LRP1B: variants seen among roughly 807,000 people sequenced by gnomAD.
The protein encoded by LRP1B is LDL receptor related protein 1B.
In LRP1B, 217 loss-of-function variants were observed where a neutral mutation model predicts 556.6. The observed-to-expected ratio is 0.39, with a 90% confidence interval of 0.35 to 0.44. LRP1B has a LOEUF of 0.44. LRP1B is among the 20% of genes least tolerant of loss of function. The pLI, the probability that LRP1B is intolerant of heterozygous loss-of-function variation, is 1.00. For synonymous variants in LRP1B, 2,047 were observed against 1,865.8 expected (o/e 1.10, Z -2.50); for missense variants, 5,053 against 5,620.8 (o/e 0.90, Z 3.23).
rs148293366 is a variant in LRP1B, at chr2:141,091,995, A to G, written c.1014-29722T>C. ...TTATTAACTTTTCATAAATGTATGT[A>G]TAGCTCACATTTATTTCAATGTTTA... On this transcript the variant is annotated intron_variant, in intron 7 of 90. Coordinates refer to ENST00000389484, the MANE Select transcript of LRP1B (RefSeq NM_018557.3). 1.6e-3 allele frequency among the ~76,000 whole-genome samples: 247 copies of G among 152,356 alleles called. 1 individual carries two copies. The highest frequency in any genetic ancestry group is 5.7e-3 in the African/African-American group (235 of 41,576).
intron 7 of LRP1B, among the ~76,000 whole-genome samples, chr2:141,143,142 G>C (rs1312457018): frequency 6.6e-6 from 1 of 151,932 alleles, no homozygotes; most frequent in Non-Finnish European, 1.5e-5. Flanking sequence ...CGTTAGCCAG[G>C]ATGGTCTCAA....
chr2:140,618,156 A>G (rs566465207), intron 41 of LRP1B, among the ~76,000 whole-genome samples: 1 of 152,138 alleles, frequency 6.6e-6, no homozygotes, highest in South Asian at 2.1e-4. Flanking sequence ...TTGCATGCAT[A>G]TATTCCTAGA....
intron 5 of LRP1B, among the ~76,000 whole-genome samples, chr2:141,241,295 G>A (rs1396286768): frequency 1.3e-5 from 2 of 152,054 alleles, no homozygotes; most frequent in Non-Finnish European, 2.9e-5. Flanking sequence ...CCAAAGGCAG[G>A]CTGGGAAGCT....
At chr2:141,544,414 T>TTCCTCCTCCTTCTCCTCCTCCTC in intron 2 of LRP1B, among the ~76,000 whole-genome samples, 1 of 90,644 alleles carries the variant, frequency 1.1e-5, no homozygotes. Flanking sequence ...TCCTCCTCCT[T>TTCCTCCTCCTTCTCCTCCTCCTC]CTCCTCCTTC....
intron 3 of LRP1B, among the ~76,000 whole-genome samples, chr2:141,439,749 C>G (rs1680889652): frequency 6.6e-6 from 1 of 152,158 alleles, no homozygotes; most frequent in African/African-American, 2.4e-5. Context: ...AACACACACA[C>G]TCACACACAA....
intron 2 of LRP1B, among the ~76,000 whole-genome samples, chr2:141,649,773 C>T (rs190456963): frequency 6.6e-6 from 1 of 152,308 alleles, no homozygotes; most frequent in Admixed American, 6.5e-5. Context: ...GCCTGACAAA[C>T]TCTTTGCCAG....
At chr2:140,826,641 C>G (rs1334937304) in intron 31 of LRP1B, among the ~76,000 whole-genome samples, 1 of 152,114 alleles carries the variant, frequency 6.6e-6, no homozygotes, top group East Asian at 1.9e-4. Context: ...TGCCAGGCAC[C>G]ATGCATGAAT....
intron 7 of LRP1B, among the ~76,000 whole-genome samples, chr2:141,072,425 T>TG (rs781721836): frequency 1.3e-5 from 2 of 152,078 alleles, no homozygotes; most frequent in Non-Finnish European, 2.9e-5. Flanking sequence ...AAAACTTTAT[T>TG]CTTTGTTTCC....
Position 140,541,846 on chromosome 2 carries a change from T to A in LRP1B, c.7320A>T (p.Lys2440Asn). ...RSNKYTGGDTKILRSDIPHQP... is the reference protein window; with the variant it reads ...RSNKYTGGDTNILRSDIPHQP... ...GATGTGGAATATCGGAACGAAGAATTTTTGTATCTCCTCCTGTGTACTTGT... is the reference window on the plus strand; with the variant it reads ...GATGTGGAATATCGGAACGAAGAATATTTGTATCTCCTCCTGTGTACTTGT... Residue 2440 changes from lysine (K) to asparagine (N), a missense_variant, in exon 44 of 91, where the codon AAA becomes AAT. Around this residue, in one of 5 missense-constraint regions of LRP1B, gnomAD observed 3,619 missense variants for 3,931.9 expected, o/e 0.92. Transcript: ENST00000389484. The A allele has an allele frequency of 6.2e-7, 1 of 1,612,790 alleles. No individual in the cohort carries two copies. Among genetic ancestry groups the A allele is most frequent in the Non-Finnish European group, 8.5e-7 (1 of 1,179,138 alleles).
At chr2:140,855,012 A>G (rs1487146303) in intron 27 of LRP1B, among the ~76,000 whole-genome samples, 1 of 152,164 alleles carries the variant, frequency 6.6e-6, no homozygotes, top group Admixed American at 6.5e-5. Flanking sequence ...GATAGCTCAT[A>G]TTGTCTAAAC....
chr2:140,522,120 C>T (rs150596005), intron 49 of LRP1B, among the ~76,000 whole-genome samples: 120 of 151,966 alleles, frequency 7.9e-4, no homozygotes, highest in Non-Finnish European at 1.3e-3. Flanking sequence ...TCCAGACTAC[C>T]GTAGCATATA....
In LRP1B at chr2:140,993,992, T is replaced by C. The variant is rs372967744; in HGVS notation, c.2644+3A>G. ...TTTTTAGGTGACTTGGAAGAGAACA[T>C]ACAGCAGTTTACTGAATCCTCATCG... On this transcript the variant is annotated splice_donor_region_variant and intron_variant, in intron 16 of 90. Coordinates refer to ENST00000389484, the MANE Select transcript of LRP1B (RefSeq NM_018557.3). 1.9e-6 allele frequency: 3 copies of C among 1,612,032 alleles called. No homozygotes were observed. Among genetic ancestry groups the C allele is most frequent in the Non-Finnish European group, 2.5e-6 (3 of 1,178,716 alleles).
chr2:141,540,099 C>A (rs567604897), intron 2 of LRP1B, among the ~76,000 whole-genome samples: 2 of 152,144 alleles, frequency 1.3e-5, no homozygotes, highest in East Asian at 3.9e-4. Context: ...AATAGACCAT[C>A]AATTACCATC....
At chr2:141,061,245 T>A (rs1699326392) in intron 8 of LRP1B, among the ~76,000 whole-genome samples, 1 of 151,770 alleles carries the variant, frequency 6.6e-6, no homozygotes, top group South Asian at 2.1e-4. Flanking sequence ...AGAAAGGATT[T>A]CATTTTAAAA....
In LRP1B at chr2:141,617,032, C is replaced by T. The variant is rs1559179834; in HGVS notation, c.206-136499G>A. On this transcript the variant is annotated intron_variant, in intron 2 of 90. Transcript: ENST00000389484. Reference sequence around the variant, plus strand: ...AACATTAATCCATCTGCCATGCCTTCACCAACTCCTGAAGTTAGTATTATT... The same window carrying T: ...AACATTAATCCATCTGCCATGCCTTTACCAACTCCTGAAGTTAGTATTATT... Among the ~76,000 whole-genome samples, 6 of 152,192 alleles carry T rather than the reference C, an allele frequency of 3.9e-5. No homozygotes were observed. In the South Asian group the frequency reaches 1.2e-3, roughly 31 times the overall value.
chr2:140,721,692 C>T (rs113523537), intron 35 of LRP1B, among the ~76,000 whole-genome samples: 6,800 of 146,974 alleles, frequency 0.046, 238 homozygotes, highest in South Asian at 0.093. Flanking sequence ...GGAATACAGG[C>T]GCCCACCAGC....
At chr2:140,593,000 C>T (rs755722624) in intron 43 of LRP1B, among the ~76,000 whole-genome samples, 6 of 151,284 alleles carry the variant, frequency 4.0e-5, no homozygotes, top group Admixed American at 6.6e-5. Flanking sequence ...ATATTTAGTG[C>T]CATAAAAAGA....
intron 3 of LRP1B, among the ~76,000 whole-genome samples, chr2:141,325,732 G>A (rs1687407188): frequency 1.3e-5 from 2 of 152,106 alleles, no homozygotes; most frequent in African/African-American, 4.8e-5. Context: ...CTTCATGGAG[G>A]AAGCGGAATT....
At chr2:140,730,875 T>C (rs1379586852) in intron 35 of LRP1B, among the ~76,000 whole-genome samples, 1 of 152,060 alleles carries the variant, frequency 6.6e-6, no homozygotes, top group Non-Finnish European at 1.5e-5. Context: ...GTTATTCAGT[T>C]CCCAGAGTGT....
Sources: gnomAD v4.1 joint callset for allele counts (sites outside exome capture counted in the v4.1 genomes callset) on GRCh38, gnomAD v4.1.1 for gene constraint, gnomAD v4.1.1 regional missense constraint, MANE v1.5 for transcripts, NCBI Gene and HGNC (gene_info 2026-07-23, HGNC 2026-07-21) for gene names.